Variants in TSPAN15 observed in about 807,000 individuals in gnomAD.
TSPAN15 encodes tetraspanin 15, also known as tetraspanin-15.
Under a neutral mutation model 34.5 loss-of-function variants are expected in TSPAN15, and 20 were observed. The ratio of observed to expected loss-of-function variants is 0.58; its 90% CI spans 0.41 to 0.84. The LOEUF (loss-of-function observed/expected upper bound fraction) is 0.84, where lower values mean the gene tolerates loss of function less well. Ranked by LOEUF, TSPAN15 falls within the 40% of genes least tolerant of loss-of-function variation. TSPAN15 has a pLI of 0.00. For synonymous variants in TSPAN15, 155 were observed against 153.9 expected (o/e 1.01, Z -0.05); for missense variants, 313 against 386.1 (o/e 0.81, Z 1.59).
downstream of TSPAN15, among the ~76,000 whole-genome samples, chr10:69,508,107 C>T (rs554103837): frequency 5.3e-5 from 8 of 152,212 alleles, no homozygotes; most frequent in Admixed American, 5.2e-4. Context: ...GACATGGGAT[C>T]TAGATTTTTT....
intron 1 of TSPAN15, among the ~76,000 whole-genome samples, chr10:69,459,930 C>A (rs75077529): frequency 0.078 from 11,265 of 144,090 alleles, 675 homozygotes; most frequent in Non-Finnish European, 0.1. Context: ...ACCCCCCCCC[C>A]ACGAATGGAG....
chr10:69,499,925 G>A (rs1376829974), intron 5 of TSPAN15, among the ~76,000 whole-genome samples: 1 of 152,152 alleles, frequency 6.6e-6, no homozygotes, highest in East Asian at 1.9e-4. Context: ...GAGGATGGTA[G>A]GAGGTGGAGT....
intron 5 of TSPAN15, 99 bp from the exon 6 acceptor site, chr10:69,504,339 C>G (rs1810479914): frequency 8.1e-7 from 1 of 1,228,338 alleles, no homozygotes; most frequent in African/African-American, 1.5e-5. Context: ...GACGGTGCAA[C>G]TCTGTGCTTC....
intron 1 of TSPAN15, among the ~76,000 whole-genome samples, chr10:69,482,872 A>G (rs1188327139): frequency 6.6e-6 from 1 of 152,172 alleles, no homozygotes; most frequent in East Asian, 1.9e-4. Context: ...GGCTGCCATA[A>G]CATCAAGTAC....
intron 1 of TSPAN15, among the ~76,000 whole-genome samples, chr10:69,455,621 TC>T (rs1315594252): frequency 8.0e-4 from 77 of 95,998 alleles, no homozygotes; most frequent in African/African-American, 1.7e-3. Flanking sequence ...TCTCTCTCTC[TC>T]TCTCCCCCCC....
rs1302151865 is a variant in TSPAN15, at chr10:69,485,196, C to T, written c.338C>T (p.Ala113Val). 2.5e-6 allele frequency: 4 copies of T among 1,613,936 alleles called. No homozygotes were observed. Among genetic ancestry groups the T allele is most frequent in the Non-Finnish European group, 1.7e-6 (2 of 1,179,996 alleles). Residue 113 changes from alanine to valine, a missense_variant, in exon 3 of 8, where the codon GCC becomes GTC. Ala to Val is a moderately conservative substitution (Grantham distance 64). Coordinates refer to ENST00000373290, the MANE Select transcript of TSPAN15 (RefSeq NM_012339.5). The stretch of plus-strand genomic sequence containing the variant: ...ATGGAGCTCATTGGTGGCGTGGTGG[C>T]CTTGACCTTCCGGAACCAGGTGGGC... ...LIMELIGGVV[A>V]LTFRNQTIDF...
the TSPAN15 span, among the ~76,000 whole-genome samples, chr10:69,539,545 G>GA: frequency 3.3e-5 from 2 of 60,772 alleles, no homozygotes; most frequent in East Asian, 1.1e-3. Flanking sequence ...GAAGGAGAAG[G>GA]AGAAGGAGAA....
the TSPAN15 span, among the ~76,000 whole-genome samples, chr10:69,527,595 C>A: frequency 5.1e-5 from 7 of 136,664 alleles, no homozygotes; most frequent in Admixed American, 7.8e-5. Context: ...AATTCCATCT[C>A]AAAAAAAAAA....
At chr10:69,480,333 A>C (rs552228766) in intron 1 of TSPAN15, among the ~76,000 whole-genome samples, 1 of 144,992 alleles carries the variant, frequency 6.9e-6, no homozygotes, top group East Asian at 2.0e-4. Flanking sequence ...AGGGAAGAAG[A>C]AGCATTTTTT....
chr10:69,519,077 T>A, the TSPAN15 span, among the ~76,000 whole-genome samples: 3 of 152,252 alleles, frequency 2.0e-5, no homozygotes, highest in African/African-American at 7.2e-5. Context: ...AAGTTCCATG[T>A]ATCCATGCTC....
At chr10:69,520,669 C>CA in the TSPAN15 span, among the ~76,000 whole-genome samples, 1 of 151,970 alleles carries the variant, frequency 6.6e-6, no homozygotes, top group African/African-American at 2.4e-5. Context: ...AACAAACAAA[C>CA]AAAAAAATCC....
the TSPAN15 span, among the ~76,000 whole-genome samples, chr10:69,529,697 GTTTAC>G: frequency 1.4e-5 from 2 of 147,188 alleles, 1 homozygote; most frequent in African/African-American, 4.9e-5. Context: ...TTTTTTATTA[GTTTAC>G]TTTATTTCAA....
intron 1 of TSPAN15, among the ~76,000 whole-genome samples, chr10:69,462,587 G>A (rs563271901): frequency 2.7e-5 from 4 of 150,398 alleles, no homozygotes; most frequent in South Asian, 2.1e-4. Flanking sequence ...CGCCCGCCTC[G>A]GCCTCCCAAA....
chr10:69,475,781 G>A (rs1340213307), intron 1 of TSPAN15, among the ~76,000 whole-genome samples: 3 of 152,096 alleles, frequency 2.0e-5, no homozygotes, highest in Non-Finnish European at 4.4e-5. Flanking sequence ...TTTTCCAAAG[G>A]CTATGTTTGT....
intron 2 of TSPAN15, 40 bp from the exon 3 acceptor site, chr10:69,485,101 C>T: frequency 6.3e-7 from 1 of 1,595,436 alleles, no homozygotes; most frequent in Non-Finnish European, 8.6e-7. Flanking sequence ...CACACGCCCA[C>T]TGCTCCTCTC....
chr10:69,504,554 G>A, intron 6 of TSPAN15, 69 bp downstream of exon 6: 1 of 1,514,398 alleles, frequency 6.6e-7, no homozygotes, highest in Non-Finnish European at 9.1e-7. Context: ...TGATCGGAGG[G>A]GTTTATTGAG....
At chr10:69,455,825 A>C (rs1841095598) in intron 1 of TSPAN15, among the ~76,000 whole-genome samples, 1 of 151,978 alleles carries the variant, frequency 6.6e-6, no homozygotes, top group African/African-American at 2.4e-5. Flanking sequence ...CAGCTTGATG[A>C]GTTTTCACAA....
chr10:69,504,570 G>C (rs1842285587), intron 6 of TSPAN15, 85 bp downstream of exon 6: 1 of 1,359,680 alleles, frequency 7.4e-7, no homozygotes, highest in African/African-American at 1.4e-5. Context: ...TTGAGGTCGG[G>C]GTCCTGGCCA....
At chr10:69,495,092 C>G (rs1842050036) in intron 3 of TSPAN15, 1 of 160,088 alleles carries the variant, frequency 6.2e-6, no homozygotes, top group African/African-American at 2.4e-5. Flanking sequence ...GCTCTGTGAC[C>G]TCACTCCCTC....
Sources: allele counts gnomAD v4.1 joint callset (sites outside exome capture counted in the v4.1 genomes callset), GRCh38; gene constraint gnomAD v4.1.1; transcripts MANE v1.5; gene names NCBI Gene and HGNC (gene_info 2026-07-23, HGNC 2026-07-21).